NCBP3: variants seen among roughly 807,000 people sequenced by gnomAD.
The protein encoded by NCBP3 is nuclear cap binding subunit 3.
A neutral mutation model predicts 75.7 loss-of-function variants in NCBP3; 20 were observed. The observed-to-expected ratio is 0.26, with a 90% CI of 0.19 to 0.38. The LOEUF is 0.38. Among genes scored for constraint, NCBP3 ranks in the 10% least tolerant of loss-of-function variants. The pLI, the probability that NCBP3 is intolerant of heterozygous loss-of-function variation, is 1.00. For missense variants in NCBP3, 678 were observed against 796.9 expected, an observed-to-expected ratio of 0.85 and a Z score of 1.80; for synonymous variants, 293 against 290.5, an observed-to-expected ratio of 1.01 and a Z score of -0.09.
intron 11 of NCBP3, 64 bp from the exon 12 acceptor site, chr17:3,814,547 T>G (rs2053492911): frequency 6.4e-7 from 1 of 1,559,140 alleles, no homozygotes; most frequent in Non-Finnish European, 8.8e-7. Context: ...ACCAGCCGCC[T>G]GACACCTCTA....
intron 1 of NCBP3, among the ~76,000 whole-genome samples, chr17:3,843,633 A>G (rs934932030): frequency 1.3e-5 from 2 of 152,072 alleles, no homozygotes; most frequent in East Asian, 1.9e-4. Context: ...TGCAACCTCT[A>G]CCTCCTGGGT....
At position 3,807,330 on chromosome 17, in the gene NCBP3, G is replaced by C; in HGVS notation, c.*5714C>G. ...GCATGATTCCCTAGCAAATGCTTTA[G>C]AGAGCTGGTAAGCTTCAGCTCCGAC... On this transcript the variant is annotated 3_prime_UTR_variant, in exon 13 of 13. Transcript: ENST00000389005. 6.6e-6 allele frequency: 1 copy of C among 152,224 alleles called. No homozygotes were observed. The highest frequency in any genetic ancestry group is 1.9e-4 in the East Asian group (1 of 5,200). The allele number at this position is 152,224 out of a possible 1,614,324, so 9.4% of individuals were successfully genotyped here. A position where few individuals can be genotyped will look rare whatever the true frequency, so the allele number is the denominator to read the frequency against.
intron 11 of NCBP3, 120 bp from the exon 12 acceptor site, chr17:3,814,603 A>C: frequency 1.1e-6 from 1 of 916,370 alleles, no homozygotes. Flanking sequence ...GGGCCTGACA[A>C]TCAGGCTGCT....
chr17:3,804,841 G>C lies in NCBP3; in HGVS notation c.*8203C>G, dbSNP rs1446480490. ...ACCCGATTTCTCAGATAAGGATGCT[G>C]CCTCTGAGAGGCCACATAGCTAGTA... On this transcript the variant is annotated 3_prime_UTR_variant, in exon 13 of 13. Transcript: ENST00000389005. The C allele has an allele frequency of 1.3e-5, 2 of 152,242 alleles. No individual in the cohort carries two copies. Among genetic ancestry groups the C allele is most frequent in the African/African-American group, 4.8e-5 (2 of 41,448 alleles). The allele number at this position is 152,242 out of a possible 1,614,324, so 9.4% of individuals were successfully genotyped here.
rs1260794229 is a variant in NCBP3 at position 3,812,494 on chromosome 17, C to G, written c.*550G>C. The G allele has an allele frequency of 4.0e-6, 4 of 990,778 alleles. No homozygotes were observed. The highest frequency in any genetic ancestry group is 4.8e-6 in the Non-Finnish European group (4 of 833,166). The allele number at this position is 990,778 out of a possible 1,614,324, so 61.4% of individuals were successfully genotyped here. Reference sequence around the variant, plus strand: ...AGTCAATGCTGCAGCTCTTATCTACCTGGGCGGCACTGGTGCACCTCTGAG... The same window carrying G: ...AGTCAATGCTGCAGCTCTTATCTACGTGGGCGGCACTGGTGCACCTCTGAG... On this transcript the variant is annotated 3_prime_UTR_variant, in exon 13 of 13. Transcript: ENST00000389005.
At chr17:3,836,934 A>G (rs2053982739) in intron 3 of NCBP3, among the ~76,000 whole-genome samples, 1 of 151,886 alleles carries the variant, frequency 6.6e-6, no homozygotes, top group East Asian at 1.9e-4. Flanking sequence ...GTGGATCACA[A>G]GGTCAGGAGA....
At chr17:3,831,100 G>T (rs976571188) in intron 3 of NCBP3, among the ~76,000 whole-genome samples, 1 of 149,134 alleles carries the variant, frequency 6.7e-6, no homozygotes, top group Non-Finnish European at 1.5e-5. Flanking sequence ...TAGTAGAGAC[G>T]ACGTTTCTCC....
In NCBP3 at chr17:3,818,511, CTCT is replaced by C; in HGVS notation, c.1059_1061del (p.Glu359del). On this transcript the variant is annotated inframe_deletion, in exon 10 of 13. Transcript: ENST00000389005. The surrounding 1 kb of genome is among the most constrained non-coding windows in gnomAD (Gnocchi z 4.7). Reference sequence around the variant, plus strand: ...TGTCCTGGTCTTCTTCTTCCTCTTCCTCTTCCTCCTCCTCCTCCTCTTCCTCCT... The same window carrying C: ...TGTCCTGGTCTTCTTCTTCCTCTTCCTCCTCCTCCTCCTCCTCTTCCTCCT... The C allele has an allele frequency of 1.2e-6, 2 of 1,612,834 alleles. No individual in the cohort carries two copies.
intron 12 of NCBP3, among the ~76,000 whole-genome samples, chr17:3,813,906 C>T (rs1269210853): frequency 6.6e-6 from 1 of 152,030 alleles, no homozygotes; most frequent in African/African-American, 2.4e-5. Flanking sequence ...TCAAGTGATC[C>T]CCCCGTCTCG....
intron 3 of NCBP3, among the ~76,000 whole-genome samples, chr17:3,832,928 G>A (rs936032074): frequency 6.6e-6 from 1 of 152,108 alleles, no homozygotes; most frequent in Non-Finnish European, 1.5e-5. Flanking sequence ...TGACATCCCA[G>A]ATTTAAAAAG....
intron 4 of NCBP3, among the ~76,000 whole-genome samples, chr17:3,828,100 G>T (rs1330918576): frequency 2.0e-5 from 3 of 152,136 alleles, no homozygotes; most frequent in African/African-American, 7.2e-5. Context: ...TGTATTTTTA[G>T]TAGAGACGGG....
At chr17:3,839,479 C>T (rs1182775959) in intron 3 of NCBP3, among the ~76,000 whole-genome samples, 1 of 152,130 alleles carries the variant, frequency 6.6e-6, no homozygotes, top group African/African-American at 2.4e-5. Context: ...TCCCGAGTAG[C>T]TGAGATTACA....
At position 3,802,758 on chromosome 17, in the gene NCBP3, C is replaced by A. The variant is rs942872204; in HGVS notation, c.*10286G>T. 6.6e-6 allele frequency: 1 copy of A among 152,282 alleles called. No homozygotes were observed. The highest frequency in any genetic ancestry group is 2.4e-5 in the African/African-American group (1 of 41,472). The allele number at this position is 152,282 out of a possible 1,614,324, so 9.4% of individuals were successfully genotyped here. A position where few individuals can be genotyped will look rare whatever the true frequency, so the allele number is the denominator to read the frequency against. On this transcript the variant is annotated 3_prime_UTR_variant, in exon 13 of 13. Transcript: ENST00000389005. ...GGAAGAGAGCAGCCCAGTCACTGAGCAGATCCCTGCTAGGGCAGGGCTAGA... is the reference window on the plus strand; with the variant it reads ...GGAAGAGAGCAGCCCAGTCACTGAGAAGATCCCTGCTAGGGCAGGGCTAGA...
At chr17:3,833,016 G>C (rs1038666424) in intron 3 of NCBP3, among the ~76,000 whole-genome samples, 4 of 152,160 alleles carry the variant, frequency 2.6e-5, no homozygotes, top group African/African-American at 9.7e-5. Context: ...TTGGGAGGCT[G>C]AGGTGGGAGG....
chr17:3,826,257 T>C (rs545285281), intron 4 of NCBP3, 42 bp from the exon 5 acceptor site: 3 of 1,506,678 alleles, frequency 2.0e-6, no homozygotes, highest in East Asian at 2.5e-5. Flanking sequence ...AGCATGGAAA[T>C]GGTAAGCTTC....
At chr17:3,835,471 T>A (rs181180984) in intron 3 of NCBP3, among the ~76,000 whole-genome samples, 112 of 152,348 alleles carry the variant, frequency 7.4e-4, no homozygotes, top group African/African-American at 2.6e-3. Context: ...TTGCGACACA[T>A]GAAGCAAAGT....
At chr17:3,826,772 G>C (rs2053794170) in intron 4 of NCBP3, among the ~76,000 whole-genome samples, 1 of 151,436 alleles carries the variant, frequency 6.6e-6, no homozygotes, top group Non-Finnish European at 1.5e-5. Flanking sequence ...AAAGCACTTT[G>C]GGAGGCCGAG....
rs2053408030 is a variant in NCBP3, at chr17:3,811,270, C to A, written c.*1774G>T. 1 of 152,284 alleles carries A rather than the reference C, an allele frequency of 6.6e-6. No individual in the cohort carries two copies. Among genetic ancestry groups the A allele is most frequent in the Non-Finnish European group, 1.5e-5 (1 of 68,128 alleles). 9.4% of individuals were successfully genotyped at this position (152,284 alleles called of 1,614,324 possible). ...CATCCAGGTGTCCGATTCTCAGGCC[C>A]CCGCACTCCTCACTCTACCAACTCC... On this transcript the variant is annotated 3_prime_UTR_variant, in exon 13 of 13. Coordinates refer to ENST00000389005, the MANE Select transcript of NCBP3 (RefSeq NM_001114118.3).
chr17:3,824,329 CAT>C (rs2053730110), intron 7 of NCBP3: 2 of 142,006 alleles, frequency 1.4e-5, no homozygotes, highest in African/African-American at 6.1e-5. Context: ...AATACATATA[CAT>C]ACATACATAC....
Sources: gnomAD v4.1 joint callset for allele counts (sites outside exome capture counted in the v4.1 genomes callset) on GRCh38, gnomAD v4.1.1 for gene constraint, Gnocchi (gnomAD v3.1) non-coding constraint, MANE v1.5 for transcripts, NCBI Gene and HGNC (gene_info 2026-07-23, HGNC 2026-07-21) for gene names.